Variants in PPARGC1A observed in about 807,000 individuals in gnomAD.
PPARGC1A encodes PPARG coactivator 1 alpha.
Under a neutral mutation model 88.7 loss-of-function variants are expected in PPARGC1A, and 25 were observed. The observed-to-expected ratio is 0.28, with a 90% CI of 0.21 to 0.39. The LOEUF is 0.39. PPARGC1A is among the 10% of genes least tolerant of loss of function. The probability of loss-of-function intolerance (pLI) is 1.00; values close to 1 mark genes in which losing one functional copy is unlikely to be tolerated. For missense variants in PPARGC1A, 880 were observed against 968.7 expected (o/e 0.91, Z 1.22); for synonymous variants, 363 against 355.6 (o/e 1.02, Z -0.24).
chr4:24,435,946 G>A, the PPARGC1A span, among the ~76,000 whole-genome samples: 1 of 152,136 alleles, frequency 6.6e-6, no homozygotes, highest in Admixed American at 6.5e-5. Flanking sequence ...AAAAATAACT[G>A]TGAAATGTCC....
chr4:24,429,683 G>T, the PPARGC1A span, among the ~76,000 whole-genome samples: 3 of 136,716 alleles, frequency 2.2e-5, no homozygotes, highest in Non-Finnish European at 4.6e-5. Context: ...AGACAATCTC[G>T]CTCTGTCACC....
chr4:24,147,310 C>A, the PPARGC1A span, among the ~76,000 whole-genome samples: 5 of 152,158 alleles, frequency 3.3e-5, no homozygotes, highest in Non-Finnish European at 7.3e-5. Flanking sequence ...CTCAGTGAGA[C>A]CGGGGATCCA....
chr4:23,997,974 G>A, the PPARGC1A span, among the ~76,000 whole-genome samples: 2 of 151,936 alleles, frequency 1.3e-5, no homozygotes, highest in Non-Finnish European at 2.9e-5. Context: ...GATATTCTTC[G>A]GCCATAATGT....
At chr4:24,238,745 A>ATATG in the PPARGC1A span, among the ~76,000 whole-genome samples, 1 of 121,808 alleles carries the variant, frequency 8.2e-6, no homozygotes, top group Non-Finnish European at 1.8e-5. Context: ...AAGGTTGTAT[A>ATATG]TGTGTGTGTG....
the PPARGC1A span, among the ~76,000 whole-genome samples, chr4:24,135,984 A>G: frequency 6.6e-6 from 1 of 152,250 alleles, no homozygotes. Flanking sequence ...CCAGGAGGGG[A>G]GAGAGCAGAG....
chr4:24,302,516 T>C, the PPARGC1A span, among the ~76,000 whole-genome samples: 1 of 152,240 alleles, frequency 6.6e-6, no homozygotes, highest in Non-Finnish European at 1.5e-5. Flanking sequence ...AAGGTGGCCC[T>C]GAGGCAGAAG....
intron 1 of PPARGC1A, among the ~76,000 whole-genome samples, chr4:23,885,575 G>T (rs964961837): frequency 1.3e-5 from 2 of 152,072 alleles, no homozygotes; most frequent in Admixed American, 1.3e-4. Context: ...AAAGGCAAAA[G>T]CAAGTTCCTT....
chr4:23,824,577 C>T (rs1577404950), intron 5 of PPARGC1A, 69 bp from the exon 6 acceptor site: 5 of 1,337,612 alleles, frequency 3.7e-6, no homozygotes, highest in African/African-American at 1.5e-5. Flanking sequence ...CTCTCCACAA[C>T]AGTCAAGTTG....
chr4:24,246,222 C>T, the PPARGC1A span, among the ~76,000 whole-genome samples: 1 of 152,064 alleles, frequency 6.6e-6, no homozygotes, highest in African/African-American at 2.4e-5. Context: ...ATATTATTGG[C>T]ATGAAATAAA....
the PPARGC1A span, among the ~76,000 whole-genome samples, chr4:24,246,892 G>A: frequency 1.3e-5 from 2 of 151,988 alleles, no homozygotes; most frequent in African/African-American, 4.8e-5. Flanking sequence ...AAGAAATGAA[G>A]ATTGCAATAC....
the PPARGC1A span, among the ~76,000 whole-genome samples, chr4:23,985,826 A>G: frequency 3.3e-5 from 5 of 152,204 alleles, no homozygotes; most frequent in South Asian, 1.0e-3. Flanking sequence ...TGCCAAAAGC[A>G]CATCATACAT....
chr4:24,105,149 T>G, the PPARGC1A span, among the ~76,000 whole-genome samples: 4 of 152,230 alleles, frequency 2.6e-5, no homozygotes, highest in African/African-American at 4.8e-5. Flanking sequence ...CAGAAAGGCT[T>G]GATTAACACT....
At chr4:23,872,303 C>G (rs770157412) in intron 2 of PPARGC1A, among the ~76,000 whole-genome samples, 2 of 152,152 alleles carry the variant, frequency 1.3e-5, no homozygotes, top group Non-Finnish European at 2.9e-5. Flanking sequence ...CCTTGGTTGG[C>G]TTCCTCTTGT....
At chr4:23,846,220 G>C (rs541351291) in intron 2 of PPARGC1A, among the ~76,000 whole-genome samples, 1 of 152,274 alleles carries the variant, frequency 6.6e-6, no homozygotes, top group East Asian at 1.9e-4. Context: ...CTCCTATAAC[G>C]ATAGGATGTA....
chr4:24,150,648 A>C, the PPARGC1A span, among the ~76,000 whole-genome samples: 1 of 152,158 alleles, frequency 6.6e-6, no homozygotes, highest in Admixed American at 6.6e-5. Context: ...CACAGGAGAC[A>C]CACAATAGTA....
chr4:24,378,001 C>T, the PPARGC1A span, among the ~76,000 whole-genome samples: 2 of 152,130 alleles, frequency 1.3e-5, no homozygotes, highest in African/African-American at 4.8e-5. Flanking sequence ...ATTGCTTCAG[C>T]TTTACAACCT....
the PPARGC1A span, among the ~76,000 whole-genome samples, chr4:24,169,424 T>A: frequency 6.6e-6 from 1 of 152,120 alleles, no homozygotes; most frequent in Non-Finnish European, 1.5e-5. Context: ...CATATAACTA[T>A]CAGTTCACTA....
chr4:24,203,779 T>C, the PPARGC1A span, among the ~76,000 whole-genome samples: 6 of 152,214 alleles, frequency 3.9e-5, no homozygotes, highest in Non-Finnish European at 8.8e-5. Flanking sequence ...TCTGAGCTCT[T>C]TGAAAGAAAA....
At chr4:24,346,566 G>T in the PPARGC1A span, among the ~76,000 whole-genome samples, 1 of 151,998 alleles carries the variant, frequency 6.6e-6, no homozygotes, top group Admixed American at 6.6e-5. Context: ...GTGCATAAAG[G>T]TGTTCATAGT....
Sources: allele counts gnomAD v4.1 joint callset (sites outside exome capture counted in the v4.1 genomes callset), GRCh38; gene constraint gnomAD v4.1.1; transcripts MANE v1.5; gene names NCBI Gene and HGNC (gene_info 2026-07-23, HGNC 2026-07-21).